Variants in PPP1R12B observed in about 807,000 individuals in gnomAD.
The protein encoded by PPP1R12B is protein phosphatase 1 regulatory subunit 12B.
Under a neutral mutation model 126.1 loss-of-function variants are expected in PPP1R12B, and 76 were observed. The ratio of observed to expected loss-of-function variants is 0.60; its 90% confidence interval spans 0.50 to 0.73. The LOEUF (loss-of-function observed/expected upper bound fraction) is 0.73. Among genes scored for constraint, PPP1R12B ranks in the 30% least tolerant of loss-of-function variants. PPP1R12B has a pLI of 0.00. For synonymous variants in PPP1R12B, 356 were observed against 434.7 expected (o/e 0.82, Z 2.25); for missense variants, 1,052 against 1,205.1 (o/e 0.87, Z 1.88).
At chr1:202,571,756 A>G (rs1028115065) in intron 23 of PPP1R12B, among the ~76,000 whole-genome samples, 1 of 152,054 alleles carries the variant, frequency 6.6e-6, no homozygotes, top group Admixed American at 6.6e-5. Context: ...GCGTCTGGCC[A>G]GGACTGATTT....
intron 18 of PPP1R12B, among the ~76,000 whole-genome samples, chr1:202,504,767 A>G (rs1680634955): frequency 1.3e-5 from 2 of 152,102 alleles, no homozygotes; most frequent in African/African-American, 4.8e-5. Context: ...CCTGCATTTA[A>G]CCCCAGCTTA....
intron 13 of PPP1R12B, among the ~76,000 whole-genome samples, chr1:202,487,861 G>A (rs143877012): frequency 1.8e-3 from 270 of 152,160 alleles, no homozygotes; most frequent in African/African-American, 6.2e-3. Flanking sequence ...TCCCACCATG[G>A]CCTCCCAAAG....
At chr1:202,352,752 T>C (rs560909541) in intron 1 of PPP1R12B, among the ~76,000 whole-genome samples, 1 of 152,090 alleles carries the variant, frequency 6.6e-6, no homozygotes, top group East Asian at 1.9e-4. Flanking sequence ...CCTGGTGTGG[T>C]GGTGCACACC....
intron 22 of PPP1R12B, 127 bp downstream of exon 22, chr1:202,567,958 C>T: frequency 1.8e-6 from 2 of 1,114,320 alleles, no homozygotes; most frequent in Non-Finnish European, 2.6e-6. Context: ...ACATTCCATT[C>T]CCAGCTTGAT....
chr1:202,424,243 A>C (rs903216794), intron 3 of PPP1R12B, among the ~76,000 whole-genome samples: 2 of 151,870 alleles, frequency 1.3e-5, no homozygotes, highest in African/African-American at 4.8e-5. Flanking sequence ...TGGAGTACTG[A>C]TCTGATTTAA....
intron 13 of PPP1R12B, among the ~76,000 whole-genome samples, chr1:202,473,315 ACT>A: frequency 6.6e-6 from 1 of 152,120 alleles, no homozygotes; most frequent in Non-Finnish European, 1.5e-5. Flanking sequence ...TGGTATGTAC[ACT>A]CTTTCTCTAT....
At chr1:202,425,912 C>G (rs532765221) in intron 4 of PPP1R12B, among the ~76,000 whole-genome samples, 187 bp downstream of exon 4, 82 of 152,280 alleles carry the variant, frequency 5.4e-4, no homozygotes, top group African/African-American at 1.9e-3. Flanking sequence ...TCCCTCCTAC[C>G]ATTCCTCTAG....
intron 11 of PPP1R12B, among the ~76,000 whole-genome samples, 194 bp from the exon 12 acceptor site, chr1:202,442,253 A>G (rs934941600): frequency 6.6e-5 from 10 of 152,218 alleles, no homozygotes; most frequent in Non-Finnish European, 1.2e-4. Context: ...ATTGGTTCAA[A>G]GTTGATAAAA....
intron 19 of PPP1R12B, among the ~76,000 whole-genome samples, chr1:202,561,499 A>G (rs1303962287): frequency 6.6e-6 from 1 of 152,030 alleles, no homozygotes; most frequent in Non-Finnish European, 1.5e-5. Context: ...ATGTTATCTG[A>G]ATTTATTTAT....
rs1343982908 is a variant in PPP1R12B at position 202,495,345 on chromosome 1, C to T, written c.2198C>T (p.Pro733Leu). The change falls in exon 16 of 24, where the codon CCA becomes CTA. Residue 733 changes from proline (P) to leucine (L), a missense_variant. By Grantham distance (98) the Pro-to-Leu change is moderately conservative. Transcript: ENST00000608999. ...CPAQPDKPTTPASPSTSRPSL... is the reference protein window; with the variant it reads ...CPAQPDKPTTLASPSTSRPSL... ...GCTCAGCCAGACAAACCCACCACGCCAGCATCTCCTTCTACGTCAAGACCC... is the reference window on the plus strand; with the variant it reads ...GCTCAGCCAGACAAACCCACCACGCTAGCATCTCCTTCTACGTCAAGACCC... 6.3e-7 allele frequency: 1 copy of T among 1,599,422 alleles called. No individual in the cohort carries two copies. The highest frequency in any genetic ancestry group is 1.1e-5 in the South Asian group (1 of 88,070).
chr1:202,447,173 G>A (rs1482845342), intron 12 of PPP1R12B, among the ~76,000 whole-genome samples: 2 of 152,098 alleles, frequency 1.3e-5, no homozygotes, highest in African/African-American at 2.4e-5. Context: ...AATGGATATG[G>A]GTTAGACAAC....
intron 18 of PPP1R12B, chr1:202,502,471 C>T: frequency 5.3e-5 from 52 of 982,112 alleles, no homozygotes; most frequent in Non-Finnish European, 5.9e-5. Context: ...TCCATTTTGT[C>T]CTGCCTTCAC....
At position 202,543,090 on chromosome 1, in the gene PPP1R12B, A is replaced by G. The variant is rs74136792; in HGVS notation, c.2491-15787A>G. 4.9e-3 allele frequency among the ~76,000 whole-genome samples: 750 copies of G among 152,198 alleles called. 11 individuals carry two copies. Among genetic ancestry groups the G allele is most frequent in the African/African-American group, 0.017 (720 of 41,546 alleles). ...AGAGAGTATTTTTAAAATAATAGCTATTCACATGGAGAGAATATTTTGGAC... is the reference window on the plus strand; with the variant it reads ...AGAGAGTATTTTTAAAATAATAGCTGTTCACATGGAGAGAATATTTTGGAC... On this transcript the variant is annotated intron_variant, in intron 18 of 23. Coordinates refer to ENST00000608999, the MANE Select transcript of PPP1R12B (RefSeq NM_002481.4).
intron 1 of PPP1R12B, among the ~76,000 whole-genome samples, chr1:202,365,388 A>G (rs1659039495): frequency 6.6e-6 from 1 of 152,022 alleles, no homozygotes; most frequent in Admixed American, 6.6e-5. Context: ...CCAAGATTAC[A>G]CCACTGCATT....
intron 8 of PPP1R12B, 30 bp downstream of exon 8, chr1:202,431,649 C>T: frequency 1.3e-6 from 2 of 1,585,722 alleles, no homozygotes; most frequent in African/African-American, 2.7e-5. Context: ...AGTGAAGATC[C>T]TCTATCTCCA....
rs373831867 is a variant in PPP1R12B at position 202,589,717 on chromosome 1, G to C, written c.*9157G>C. 1 of 152,244 alleles carries C rather than the reference G, an allele frequency of 6.6e-6. No individual in the cohort carries two copies. The highest frequency in any genetic ancestry group is 1.5e-5 in the Non-Finnish European group (1 of 68,096). 9.4% of individuals were successfully genotyped at this position (152,244 alleles called of 1,614,324 possible). On this transcript the variant is annotated 3_prime_UTR_variant, in exon 24 of 24. Coordinates refer to ENST00000608999, the MANE Select transcript of PPP1R12B (RefSeq NM_002481.4). ...ACCCTCAGGTGATAAATCCCAGTCC[G>C]TCTGCTGAAAGGCTCATGCCCCTCA...
chr1:202,461,563 A>T (rs185638875), intron 13 of PPP1R12B, among the ~76,000 whole-genome samples: 254 of 152,310 alleles, frequency 1.7e-3, no homozygotes, highest in African/African-American at 5.8e-3. Context: ...CCACCCTAAA[A>T]TGCTAAATAT....
chr1:202,532,175 G>C (rs568065068), intron 18 of PPP1R12B, among the ~76,000 whole-genome samples: 6 of 152,242 alleles, frequency 3.9e-5, no homozygotes, highest in African/African-American at 1.4e-4. Context: ...GTAAACTGTC[G>C]TGTCACTGGT....
chr1:202,516,959 A>G (rs892588800), intron 18 of PPP1R12B, among the ~76,000 whole-genome samples: 1 of 152,210 alleles, frequency 6.6e-6, no homozygotes, highest in African/African-American at 2.4e-5. Flanking sequence ...CATTACTGGT[A>G]ATGTTGCCCA....
Sources: allele counts gnomAD v4.1 joint callset (sites outside exome capture counted in the v4.1 genomes callset), GRCh38; gene constraint gnomAD v4.1.1; transcripts MANE v1.5; gene names NCBI Gene and HGNC (gene_info 2026-07-23, HGNC 2026-07-21).